The following COL24A1 variants were observed in gnomAD, a reference collection of about 807,000 sequenced individuals.
The protein encoded by COL24A1 is collagen type XXIV alpha 1 chain, also known as collagen alpha-1(XXIV) chain.
Under a neutral mutation model 253.9 loss-of-function variants are expected in COL24A1, and 224 were observed. The ratio of observed to expected loss-of-function variants is 0.88; its 90% confidence interval spans 0.79 to 0.99. COL24A1 has a LOEUF of 0.99. COL24A1 is among the 50% of genes least tolerant of loss of function. The probability of loss-of-function intolerance (pLI) is 0.00; values close to 1 mark genes in which losing one functional copy is unlikely to be tolerated. For synonymous variants in COL24A1, 685 were observed against 673.7 expected (o/e 1.02, Z -0.26); for missense variants, 2,131 against 2,068.5 (o/e 1.03, Z -0.59).
At chr1:85,880,346 T>C (rs1479113487) in intron 32 of COL24A1, among the ~76,000 whole-genome samples, 1 of 152,208 alleles carries the variant, frequency 6.6e-6, no homozygotes, top group Admixed American at 6.5e-5. Flanking sequence ...GCAATTGACT[T>C]TTGTATATTA....
At chr1:85,770,299 C>T (rs1208166229) in intron 53 of COL24A1, among the ~76,000 whole-genome samples, 1 of 119,526 alleles carries the variant, frequency 8.4e-6, no homozygotes, top group African/African-American at 3.1e-5. Flanking sequence ...CAAGCATACC[C>T]TAAGATGAGA....
At chr1:85,987,424 CA>C (rs1558907269) in intron 20 of COL24A1, among the ~76,000 whole-genome samples, 176 bp downstream of exon 20, 1 of 151,842 alleles carries the variant, frequency 6.6e-6, no homozygotes, top group African/African-American at 2.4e-5. Flanking sequence ...CAGTTCATAT[CA>C]AACTAGAAAA....
intron 16 of COL24A1, 120 bp from the exon 17 acceptor site, chr1:86,022,711 T>G: frequency 7.8e-7 from 1 of 1,275,268 alleles, no homozygotes; most frequent in Admixed American, 2.8e-5. Flanking sequence ...TGAGGAAAAC[T>G]AATATAATTG....
chr1:86,080,125 C>T (rs1037579816), intron 7 of COL24A1, among the ~76,000 whole-genome samples: 4 of 152,098 alleles, frequency 2.6e-5, no homozygotes, highest in Non-Finnish European at 5.9e-5. Context: ...TTTGCAACAG[C>T]ATGGATGGAA....
intron 24 of COL24A1, among the ~76,000 whole-genome samples, chr1:85,942,460 C>A (rs1688841508): frequency 6.6e-6 from 1 of 152,110 alleles, no homozygotes; most frequent in East Asian, 1.9e-4. Flanking sequence ...ACTGTGCCTT[C>A]CAAGTTAGTA....
chr1:85,776,538 C>T lies in COL24A1; in HGVS notation c.4339-829G>A, dbSNP rs1236875589. Among the ~76,000 whole-genome samples, 2 of 151,870 alleles carry T rather than the reference C, an allele frequency of 1.3e-5. 1 individual carries two copies. Among genetic ancestry groups the T allele is most frequent in the East Asian group, 3.8e-4 (2 of 5,196 alleles). ...ATCTTTTCTGTAACCTGAATTTACA[C>T]CTTCATAAATATAATATGAATGCTC... On this transcript the variant is annotated intron_variant, in intron 52 of 59. Transcript: ENST00000370571.
At chr1:85,861,488 C>T (rs973320677) in intron 37 of COL24A1, among the ~76,000 whole-genome samples, 1 of 152,166 alleles carries the variant, frequency 6.6e-6, no homozygotes, top group Non-Finnish European at 1.5e-5. Context: ...AGAAGACGTA[C>T]TCCCATGTTT....
At chr1:86,104,462 A>G (rs1267875323) in intron 5 of COL24A1, among the ~76,000 whole-genome samples, 1 of 152,214 alleles carries the variant, frequency 6.6e-6, no homozygotes, top group Non-Finnish European at 1.5e-5. Context: ...TGACTTTTTA[A>G]GTTCTCAGAG....
intron 24 of COL24A1, among the ~76,000 whole-genome samples, chr1:85,943,939 T>A (rs1688989267): frequency 6.6e-6 from 1 of 152,238 alleles, no homozygotes; most frequent in South Asian, 2.1e-4. Flanking sequence ...TTTTTGCAAA[T>A]TTGACTCCAT....
chr1:85,912,528 T>A (rs1685474252), intron 24 of COL24A1, among the ~76,000 whole-genome samples: 1 of 152,208 alleles, frequency 6.6e-6, no homozygotes, highest in Non-Finnish European at 1.5e-5. Flanking sequence ...AAGCACTGAC[T>A]CATGAAAAAT....
chr1:86,143,685 C>T (rs552675503), intron 2 of COL24A1, among the ~76,000 whole-genome samples: 23 of 152,034 alleles, frequency 1.5e-4, no homozygotes, highest in African/African-American at 5.5e-4. Flanking sequence ...AAAGAAGGTG[C>T]TAAAAGAGTT....
At chr1:85,786,181 T>C (rs986228972) in intron 48 of COL24A1, among the ~76,000 whole-genome samples, 173 bp downstream of exon 48, 6 of 152,198 alleles carry the variant, frequency 3.9e-5, no homozygotes, top group African/African-American at 2.4e-5. Context: ...GTGGCTATCA[T>C]GGGAGATGGA....
At chr1:86,029,335 G>T (rs1228408556) in intron 14 of COL24A1, among the ~76,000 whole-genome samples, 1 of 152,172 alleles carries the variant, frequency 6.6e-6, no homozygotes, top group Non-Finnish European at 1.5e-5. Context: ...AATAGTCATG[G>T]GTTGGTCTGA....
At chr1:86,058,285 C>T (rs1328721340) in intron 9 of COL24A1, among the ~76,000 whole-genome samples, 1 of 151,506 alleles carries the variant, frequency 6.6e-6, no homozygotes, top group Non-Finnish European at 1.5e-5. Flanking sequence ...TAAAACATTT[C>T]TAATTAACTT....
chr1:86,127,565 CAT>C (rs1648505628), intron 2 of COL24A1, among the ~76,000 whole-genome samples: 1 of 152,038 alleles, frequency 6.6e-6, no homozygotes, highest in South Asian at 2.1e-4. Context: ...TACAGAACAG[CAT>C]AGTCAGCTGC....
At chr1:85,908,686 A>G (rs755435961) in intron 26 of COL24A1, 35 bp from the exon 27 acceptor site, 1 of 969,816 alleles carries the variant, frequency 1.0e-6, no homozygotes, top group Non-Finnish European at 1.5e-6. Context: ...GAAGTAAAAT[A>G]TTCATGACTT....
intron 22 of COL24A1, 87 bp from the exon 23 acceptor site, chr1:85,965,149 C>T (rs1433783730): frequency 1.1e-5 from 11 of 994,354 alleles, no homozygotes; most frequent in Non-Finnish European, 1.7e-5. Context: ...GAAATTTAGA[C>T]TATTCTTATA....
At chr1:85,969,659 T>C (rs545635252) in intron 22 of COL24A1, among the ~76,000 whole-genome samples, 65 of 149,274 alleles carry the variant, frequency 4.4e-4, no homozygotes, top group African/African-American at 1.5e-3. Context: ...CTTTATGATG[T>C]TGTCAAGAAA....
chr1:86,051,184 A>T (rs1700271936), intron 10 of COL24A1, among the ~76,000 whole-genome samples: 1 of 152,142 alleles, frequency 6.6e-6, no homozygotes, highest in African/African-American at 2.4e-5. Flanking sequence ...TTCAACAAAC[A>T]TTATTTTAGT....
Sources: gnomAD v4.1 joint callset for allele counts (sites outside exome capture counted in the v4.1 genomes callset) on GRCh38, gnomAD v4.1.1 for gene constraint, MANE v1.5 for transcripts, NCBI Gene and HGNC (gene_info 2026-07-23, HGNC 2026-07-21) for gene names.